PUS7: variants seen among roughly 807,000 people sequenced by gnomAD.
The protein encoded by PUS7 is pseudouridine synthase 7.
PUS7 carries 48 observed loss-of-function variants against 79.8 expected under a neutral mutation model. That is an observed-to-expected ratio of 0.60 (90% CI 0.48 to 0.76). The LOEUF is 0.76. PUS7 is among the 30% of genes least tolerant of loss of function. The pLI, the probability that PUS7 is intolerant of heterozygous loss-of-function variation, is 0.00. For missense variants in PUS7, 729 were observed against 797.6 expected (o/e 0.91, Z 1.04); for synonymous variants, 286 against 272.2 (o/e 1.05, Z -0.50).
At chr7:105,500,074 G>A (rs944973884) in intron 5 of PUS7, among the ~76,000 whole-genome samples, 4 of 152,166 alleles carry the variant, frequency 2.6e-5, no homozygotes, top group African/African-American at 9.7e-5. Flanking sequence ...GGGAGAGATG[G>A]CAGAGATTTA....
chr7:105,501,927 C>T (rs1825265409), intron 5 of PUS7, among the ~76,000 whole-genome samples: 1 of 145,888 alleles, frequency 6.9e-6, no homozygotes, highest in African/African-American at 2.6e-5. Context: ...TGCACTCCAG[C>T]CTGGGCGACA....
rs1235200823 is a variant in PUS7, at chr7:105,465,334, C to T, written c.1606G>A (p.Val536Ile). 17 of 1,612,046 alleles carry T rather than the reference C, an allele frequency of 1.1e-5. No homozygotes were observed. Among genetic ancestry groups the T allele is most frequent in the African/African-American group, 1.3e-5 (1 of 74,866 alleles). The change falls in exon 13 of 16, where the codon GTT becomes ATT. Residue 536 changes from valine to isoleucine, a missense_variant. Coordinates refer to ENST00000469408, the MANE Select transcript of PUS7 (RefSeq NM_019042.5). Reference protein sequence around the residue: ...DVVMPLPGFDVIYPKHKIQEA... With the variant: ...DVVMPLPGFDIIYPKHKIQEA... ...TTACTTTTATGCTTTGGGTAGATAA[C>T]ATCGAAACCAGGCAAGGGCATTACC...
At chr7:105,503,803 T>A (rs1026123833) in intron 4 of PUS7, among the ~76,000 whole-genome samples, 3 of 152,058 alleles carry the variant, frequency 2.0e-5, no homozygotes, top group Non-Finnish European at 4.4e-5. Context: ...CAGCTAATTT[T>A]TTTATGTTTT....
intron 5 of PUS7, chr7:105,497,035 T>C (rs1825065415): frequency 1.8e-6 from 2 of 1,093,694 alleles, no homozygotes; most frequent in Admixed American, 3.1e-5. Flanking sequence ...ATTAAAGTGC[T>C]TTAGAGGTGA....
At chr7:105,514,607 AAAAAGAAAAG>A (rs146058760) in intron 1 of PUS7, among the ~76,000 whole-genome samples, 42 of 151,344 alleles carry the variant, frequency 2.8e-4, no homozygotes, top group South Asian at 4.2e-4. Flanking sequence ...CCATCTCAAA[AAAAAGAAAAG>A]AAAAGAAAAG....
At chr7:105,519,019 C>A in intron 1 of PUS7, among the ~76,000 whole-genome samples, 1 of 152,280 alleles carries the variant, frequency 6.6e-6, no homozygotes, top group South Asian at 2.1e-4. Flanking sequence ...TCGCCCGCCT[C>A]GGTCTCCCAA....
intron 1 of PUS7, among the ~76,000 whole-genome samples, chr7:105,512,078 G>A (rs1307331530): frequency 6.7e-6 from 1 of 150,274 alleles, no homozygotes; most frequent in Non-Finnish European, 1.5e-5. Flanking sequence ...CTGGGAGGCG[G>A]ACGTTGCAGT....
intron 5 of PUS7, chr7:105,496,829 C>T (rs115495070): frequency 4.1e-4 from 152 of 373,406 alleles, no homozygotes; most frequent in African/African-American, 3.2e-3. Context: ...AACTGTTGAG[C>T]AGGAATATCA....
intron 14 of PUS7, chr7:105,462,388 T>C (rs772247522): frequency 5.5e-5 from 24 of 438,522 alleles, no homozygotes; most frequent in Non-Finnish European, 8.8e-5. Flanking sequence ...GCCGAGATCA[T>C]GCTATTGTGC....
At chr7:105,502,274 C>T (rs1000274072) in intron 5 of PUS7, 146 bp downstream of exon 5, 23 of 1,018,078 alleles carry the variant, frequency 2.3e-5, no homozygotes, top group Non-Finnish European at 2.9e-5. Flanking sequence ...TGACAATACT[C>T]ACCCTCTCTG....
At chr7:105,490,288 A>C (rs1824729821) in intron 7 of PUS7, among the ~76,000 whole-genome samples, 1 of 152,056 alleles carries the variant, frequency 6.6e-6, no homozygotes, top group African/African-American at 2.4e-5. Flanking sequence ...TATTAAAGAC[A>C]ATGCATCCAT....
intron 7 of PUS7, among the ~76,000 whole-genome samples, chr7:105,490,560 A>G (rs1349636736): frequency 6.6e-6 from 1 of 152,014 alleles, no homozygotes; most frequent in Non-Finnish European, 1.5e-5. Flanking sequence ...ACCAATCCCC[A>G]TTTAGATTAA....
At chr7:105,484,691 C>T (rs1419507493) in intron 7 of PUS7, among the ~76,000 whole-genome samples, 9 of 150,784 alleles carry the variant, frequency 6.0e-5, no homozygotes, top group African/African-American at 1.2e-4. Context: ...TGGTGGCACA[C>T]GCCTGTAATC....
intron 9 of PUS7, among the ~76,000 whole-genome samples, chr7:105,477,504 C>T (rs757325768): frequency 2.6e-5 from 4 of 152,156 alleles, no homozygotes; most frequent in Admixed American, 6.5e-5. Context: ...CCACCCACCT[C>T]GGCCTCCCAA....
intron 1 of PUS7, among the ~76,000 whole-genome samples, chr7:105,514,139 G>A (rs1298444847): frequency 1.4e-5 from 2 of 138,256 alleles, no homozygotes; most frequent in Admixed American, 7.4e-5. Flanking sequence ...GCTGAGGCAG[G>A]AGAATGGCGT....
chr7:105,481,030 A>G, intron 9 of PUS7, 22 bp downstream of exon 9: 1 of 1,598,672 alleles, frequency 6.3e-7, no homozygotes, highest in Non-Finnish European at 8.5e-7. Flanking sequence ...GCTATTTTTG[A>G]TAAAAGAAAT....
Position 105,457,279 on chromosome 7 carries a change from A to G in PUS7, c.*511T>C, listed in dbSNP as rs1284714841. The G allele has an allele frequency of 6.6e-6, 1 of 152,278 alleles. No homozygotes were observed. The allele number at this position is 152,278 out of a possible 1,614,324, so 9.4% of individuals were successfully genotyped here. A position where few individuals can be genotyped will look rare whatever the true frequency, so the allele number is the denominator to read the frequency against. On this transcript the variant is annotated 3_prime_UTR_variant, in exon 16 of 16. Transcript: ENST00000469408. ...CTAGTACATAAGCAGGATAATGACA[A>G]TCACTTTTTGTTTATAAATTTGTAG...
In PUS7 at chr7:105,475,331, G is replaced by T. The variant is rs575421054; in HGVS notation, c.1176-3138C>A. On this transcript the variant is annotated intron_variant, in intron 9 of 15. Coordinates refer to ENST00000469408, the MANE Select transcript of PUS7 (RefSeq NM_019042.5). Reference sequence around the variant, plus strand: ...CTCCCAAGTAGCTGGGACTACAGGCGCGCGCCACCACGCCTGGCTAATTTT... The same window carrying T: ...CTCCCAAGTAGCTGGGACTACAGGCTCGCGCCACCACGCCTGGCTAATTTT... 7.9e-5 allele frequency among the ~76,000 whole-genome samples: 12 copies of T among 152,172 alleles called. No individual in the cohort carries two copies. The South Asian group carries it at 2.3e-3, about 29-fold the overall frequency.
chr7:105,491,174 G>A (rs189699787), intron 7 of PUS7, among the ~76,000 whole-genome samples: 100 of 152,154 alleles, frequency 6.6e-4, no homozygotes, highest in Non-Finnish European at 1.2e-3. Flanking sequence ...TTACATGTCC[G>A]TCTATTCCAC....
Sources: gnomAD v4.1 joint callset for allele counts (sites outside exome capture counted in the v4.1 genomes callset) on GRCh38, gnomAD v4.1.1 for gene constraint, MANE v1.5 for transcripts, NCBI Gene and HGNC (gene_info 2026-07-23, HGNC 2026-07-21) for gene names.